TRHDE: variants seen among roughly 807,000 people sequenced by gnomAD.
TRHDE encodes thyrotropin-releasing hormone-degrading ectoenzyme.
TRHDE carries 72 observed loss-of-function variants against 125.7 expected under a neutral mutation model. The observed-to-expected ratio is 0.57, with a 90% CI of 0.47 to 0.70. TRHDE has a LOEUF of 0.70. Among genes scored for constraint, TRHDE ranks in the 30% least tolerant of loss-of-function variants. TRHDE has a pLI of 0.00. For missense variants in TRHDE, 1,110 were observed against 1,327.1 expected, an observed-to-expected ratio of 0.84 and a Z score of 2.54; for synonymous variants, 509 against 509.1, an observed-to-expected ratio of 1.00 and a Z score of 0.00.
intron 5 of TRHDE, among the ~76,000 whole-genome samples, chr12:72,476,920 C>T (rs1228384974): frequency 3.3e-5 from 5 of 152,044 alleles, no homozygotes; most frequent in Admixed American, 6.6e-5. Context: ...ATAAAATTAT[C>T]ACAATAAGCA....
chr12:72,519,750 C>T (rs1435365642), intron 6 of TRHDE, among the ~76,000 whole-genome samples: 1 of 152,158 alleles, frequency 6.6e-6, no homozygotes, highest in Non-Finnish European at 1.5e-5. Context: ...TTTTTCTGTT[C>T]TGTTTTTTCC....
intron 6 of TRHDE, among the ~76,000 whole-genome samples, chr12:72,509,643 T>G (rs762421554): frequency 2.0e-5 from 3 of 152,196 alleles, no homozygotes; most frequent in Non-Finnish European, 2.9e-5. Context: ...ACACCTTCAG[T>G]CTTTTTCCCA....
chr12:72,359,202 G>C (rs905589873), intron 2 of TRHDE, among the ~76,000 whole-genome samples: 6 of 145,840 alleles, frequency 4.1e-5, no homozygotes, highest in African/African-American at 1.5e-4. Context: ...TATCTGAAGA[G>C]AGGTGAAGAA....
chr12:72,167,141 G>A (rs1356062026), intron 2 of TRHDE, among the ~76,000 whole-genome samples: 1 of 152,120 alleles, frequency 6.6e-6, no homozygotes, highest in Non-Finnish European at 1.5e-5. Context: ...GAACATGATG[G>A]TCACTTGTTA....
chr12:72,362,547 T>C (rs1284602313), intron 2 of TRHDE, among the ~76,000 whole-genome samples: 5 of 151,754 alleles, frequency 3.3e-5, no homozygotes, highest in Non-Finnish European at 4.4e-5. Flanking sequence ...TCTTTTGCTG[T>C]GCAGAAGCTC....
At chr12:72,339,209 G>C (rs1282345777) in intron 2 of TRHDE, among the ~76,000 whole-genome samples, 1 of 152,018 alleles carries the variant, frequency 6.6e-6, no homozygotes, top group Non-Finnish European at 1.5e-5. Flanking sequence ...TCACTGTCCT[G>C]AAGCTCTTAC....
intron 2 of TRHDE, among the ~76,000 whole-genome samples, chr12:72,148,240 C>A (rs1331869990): frequency 6.6e-6 from 1 of 152,262 alleles, no homozygotes. Context: ...GAAGGTGAGA[C>A]CCTCAAGTGA....
At chr12:72,120,674 C>CTTTTTTT (rs36076979) in intron 2 of TRHDE, among the ~76,000 whole-genome samples, 9 of 118,752 alleles carry the variant, frequency 7.6e-5, no homozygotes, top group Non-Finnish European at 1.2e-4. Flanking sequence ...TACTCTTTAA[C>CTTTTTTT]TTTTTTTTTT....
At chr12:72,608,453 C>T (rs953842587) in intron 12 of TRHDE, among the ~76,000 whole-genome samples, 5 of 152,238 alleles carry the variant, frequency 3.3e-5, no homozygotes, top group African/African-American at 4.8e-5. Flanking sequence ...TTGTAATGCA[C>T]GCTGTTGATG....
intron 2 of TRHDE, among the ~76,000 whole-genome samples, chr12:72,252,312 G>A (rs1055265040): frequency 1.3e-5 from 2 of 152,080 alleles, no homozygotes; most frequent in African/African-American, 4.8e-5. Flanking sequence ...TAAGATGTGA[G>A]GTTAAGGTTG....
chr12:72,237,184 A>G (rs1026675868), intron 2 of TRHDE, among the ~76,000 whole-genome samples: 3 of 152,256 alleles, frequency 2.0e-5, no homozygotes, highest in African/African-American at 7.2e-5. Flanking sequence ...TTACATCATG[A>G]AAAACAAATA....
At chr12:72,280,307 G>A (rs1215588178) in intron 1 of TRHDE, among the ~76,000 whole-genome samples, 1 of 152,166 alleles carries the variant, frequency 6.6e-6, no homozygotes, top group Non-Finnish European at 1.5e-5. Flanking sequence ...CTGATAATTG[G>A]TAAGCACATC....
chr12:72,117,797 T>C (rs1181182881), intron 2 of TRHDE, among the ~76,000 whole-genome samples: 1 of 151,964 alleles, frequency 6.6e-6, no homozygotes, highest in African/African-American at 2.4e-5. Context: ...TTACTTCTTT[T>C]GTTAATTCCT....
intron 12 of TRHDE, among the ~76,000 whole-genome samples, chr12:72,600,012 T>C (rs1320011704): frequency 3.3e-5 from 5 of 152,102 alleles, no homozygotes; most frequent in Admixed American, 3.3e-4. Flanking sequence ...CCTTTCCCCA[T>C]TGCTTATTTT....
At chr12:72,204,949 T>C (rs1877634647) in intron 2 of TRHDE, among the ~76,000 whole-genome samples, 1 of 152,212 alleles carries the variant, frequency 6.6e-6, no homozygotes, top group Non-Finnish European at 1.5e-5. Context: ...TCACACTTTC[T>C]AGGAAGGGTG....
chr12:72,447,960 G>GT (rs1421416649), intron 3 of TRHDE, among the ~76,000 whole-genome samples: 2 of 151,896 alleles, frequency 1.3e-5, no homozygotes, highest in Non-Finnish European at 1.5e-5. Context: ...AAGTCCATTT[G>GT]TTTTTTGCTA....
chr12:72,203,052 A>G (rs1211081143), intron 2 of TRHDE, among the ~76,000 whole-genome samples: 3 of 152,048 alleles, frequency 2.0e-5, no homozygotes, highest in Non-Finnish European at 2.9e-5. Context: ...TAAGTTTGCT[A>G]TCTCTTACAC....
chr12:72,339,818 A>G (rs73338679), intron 2 of TRHDE, among the ~76,000 whole-genome samples: 6,797 of 152,206 alleles, frequency 0.045, 517 homozygotes, highest in African/African-American at 0.15. Context: ...CTACTAAAGG[A>G]TCATAGTTGA....
chr12:72,531,749 C>T (rs1009622664), intron 6 of TRHDE, among the ~76,000 whole-genome samples: 1 of 152,084 alleles, frequency 6.6e-6, no homozygotes, highest in Non-Finnish European at 1.5e-5. Flanking sequence ...GCTGGTATCA[C>T]ATACCATCTC....
Sources: gnomAD v4.1 joint callset for allele counts (sites outside exome capture counted in the v4.1 genomes callset) on GRCh38, gnomAD v4.1.1 for gene constraint, MANE v1.5 for transcripts, NCBI Gene and HGNC (gene_info 2026-07-23, HGNC 2026-07-21) for gene names.